The following CHGA variants were observed in gnomAD, a reference collection of about 807,000 sequenced individuals.
The protein encoded by CHGA is chromogranin A, also known as chromogranin-A.
CHGA carries 41 observed loss-of-function variants against 54.4 expected under a neutral mutation model. That is an observed-to-expected ratio of 0.75 (90% confidence interval 0.59 to 0.98). CHGA has a LOEUF of 0.98. Ranked by LOEUF, CHGA falls within the 50% of genes least tolerant of loss-of-function variation. CHGA has a pLI of 0.00. For synonymous variants in CHGA, 249 were observed against 232.8 expected (o/e 1.07, Z -0.63); for missense variants, 576 against 582.3 (o/e 0.99, Z 0.11).
At position 92,932,209 on chromosome 14, in the gene CHGA, G is replaced by C. The variant is rs572002166; in HGVS notation, c.809-161G>C. 2 of 987,434 alleles carry C rather than the reference G, an allele frequency of 2.0e-6. No individual in the cohort carries two copies. The highest frequency in any genetic ancestry group is 3.3e-5 in the African/African-American group (2 of 61,158). The allele number at this position is 987,434 out of a possible 1,614,324, so 61.2% of individuals were successfully genotyped here. On this transcript the variant is annotated intron_variant, in intron 6 of 7. Coordinates refer to ENST00000216492, the MANE Select transcript of CHGA (RefSeq NM_001275.4). This position sits in a 1 kb window ranked among gnomAD's most constrained non-coding sequence, Gnocchi z 5.3. ...CTAACCCACCCCTCTGAGCCGAGAG[G>C]GTCTTGCAAAGCCTGGCATCAAGAA...
Position 92,931,247 on chromosome 14 carries a change from C to T in CHGA, c.356-3C>T. ...GCCTGACTTGGCTGTGCTGTGTCTGCAGAGGCGGTGGAAGAGCCATCATCC... is the reference window on the plus strand; with the variant it reads ...GCCTGACTTGGCTGTGCTGTGTCTGTAGAGGCGGTGGAAGAGCCATCATCC... On this transcript the variant is annotated splice_polypyrimidine_tract_variant and splice_region_variant and intron_variant, in intron 5 of 7. Coordinates refer to ENST00000216492, the MANE Select transcript of CHGA (RefSeq NM_001275.4). The T allele has an allele frequency of 6.2e-7, 1 of 1,605,138 alleles. No individual in the cohort carries two copies. Among genetic ancestry groups the T allele is most frequent in the Non-Finnish European group, 8.5e-7 (1 of 1,173,904 alleles).
intron 7 of CHGA, among the ~76,000 whole-genome samples, chr14:92,933,748 G>C (rs183282303): frequency 2.0e-5 from 3 of 152,274 alleles, no homozygotes; most frequent in African/African-American, 7.2e-5. Context: ...CAGCTGTAGC[G>C]GGAGAGGGCA....
Position 92,932,352 on chromosome 14 carries a change from G to A in CHGA, c.809-18G>A. On this transcript the variant is annotated intron_variant, in intron 6 of 7. Coordinates refer to ENST00000216492, the MANE Select transcript of CHGA (RefSeq NM_001275.4). The surrounding 1 kb of genome is among the most constrained non-coding windows in gnomAD (Gnocchi z 5.3). ...GTCCCCCACCCATTCTCCTGCTCTT[G>A]CCCACCACCTGCTCCAGGTCGGTCG... 6.4e-7 allele frequency: 1 copy of A among 1,563,348 alleles called. No individual in the cohort carries two copies. Among genetic ancestry groups the A allele is most frequent in the Non-Finnish European group, 8.7e-7 (1 of 1,153,960 alleles).
chr14:92,924,209 C>A lies in CHGA; in HGVS notation c.57C>A (p.Leu19=). 2 of 1,612,518 alleles carry A rather than the reference C, an allele frequency of 1.2e-6. No homozygotes were observed. Among genetic ancestry groups the A allele is most frequent in the Non-Finnish European group, 1.7e-6 (2 of 1,179,638 alleles). ...LLLCAGQVTA[L]PVNSPMNKGD... The stretch of plus-strand genomic sequence containing the variant: ...TCTTCTTCTTCCCAGTCACTGCGCT[C>A]CCTGTGAACAGCCCTATGAATAAAG... The change falls in exon 2 of 8, where the codon CTC becomes CTA. Residue 19 remains leucine, a synonymous_variant. Transcript: ENST00000216492.
Position 92,935,071 on chromosome 14 carries a change from TG to T in CHGA, c.*189del, listed in dbSNP as rs1887096977. 1 of 535,648 alleles carries T rather than the reference TG, an allele frequency of 1.9e-6. No homozygotes were observed. Among genetic ancestry groups the T allele is most frequent in the Admixed American group, 4.0e-5 (1 of 25,290 alleles). 33.2% of individuals were successfully genotyped at this position (535,648 alleles called of 1,614,324 possible). ...TCCTACTCCTGACTCCTACCTGCCCTGGAACATCCTTTGCAGGGCAGCCCCA... is the reference window on the plus strand; with the variant it reads ...TCCTACTCCTGACTCCTACCTGCCCTGAACATCCTTTGCAGGGCAGCCCCA... On this transcript the variant is annotated 3_prime_UTR_variant, in exon 8 of 8. Transcript: ENST00000216492.
intron 4 of CHGA, among the ~76,000 whole-genome samples, chr14:92,928,333 C>A (rs887853690): frequency 2.6e-5 from 4 of 152,176 alleles, no homozygotes; most frequent in African/African-American, 9.7e-5. Flanking sequence ...ACAGACCAGG[C>A]CATGTGTGAG....
intron 2 of CHGA, chr14:92,926,363 A>G: frequency 1.9e-6 from 1 of 537,644 alleles, no homozygotes; most frequent in Non-Finnish European, 3.3e-6. Context: ...TTGGAGGGGA[A>G]CCTGCTGGCC....
In CHGA at chr14:92,934,815, G is replaced by A. The variant is rs1887084297; in HGVS notation, c.1305G>A (p.Glu435=). 1.9e-6 allele frequency: 3 copies of A among 1,584,860 alleles called. No homozygotes were observed. The South Asian group carries it at 3.5e-5, about 18-fold the overall frequency. The change falls in exon 8 of 8, where the codon GAG becomes GAA. Residue 435 remains glutamate (E), a synonymous_variant. Coordinates refer to ENST00000216492, the MANE Select transcript of CHGA (RefSeq NM_001275.4). Reference sequence around the variant, plus strand: ...GTCTCTCCTAGGACCAGGAGCTGGAGAGCCTGTCGGCCATTGAAGCAGAGC... The same window carrying A: ...GTCTCTCCTAGGACCAGGAGCTGGAAAGCCTGTCGGCCATTGAAGCAGAGC... The part of the protein sequence containing the change: ...ANRRPEDQEL[E]SLSAIEAELE...
rs1566674077 is a variant in CHGA, at chr14:92,929,701, C to T, written c.257-16C>T. On this transcript the variant is annotated splice_polypyrimidine_tract_variant and intron_variant, in intron 4 of 7. Transcript: ENST00000216492. ...GCTGCACCCAATGGGACTTTTCCCT[C>T]CTTTTCTCATACCAGGCGCCAAGGA... The T allele has an allele frequency of 2.5e-6, 4 of 1,612,882 alleles. No homozygotes were observed. The Admixed American group carries it at 5.0e-5, about 20-fold the overall frequency.
chr14:92,926,867 G>A (rs1273079646), intron 3 of CHGA, among the ~76,000 whole-genome samples, 169 bp downstream of exon 3: 2 of 152,220 alleles, frequency 1.3e-5, no homozygotes, highest in Non-Finnish European at 2.9e-5. Context: ...CAGTTGAAGG[G>A]GTTGTAGCCC....
At chr14:92,934,406 G>A (rs1048779865) in intron 7 of CHGA, among the ~76,000 whole-genome samples, 7 of 152,186 alleles carry the variant, frequency 4.6e-5, no homozygotes, top group African/African-American at 1.4e-4. Context: ...AGACAGACCC[G>A]GAAGTCCCAG....
In CHGA at chr14:92,932,527, C is replaced by A; in HGVS notation, c.966C>A (p.Ser322Arg). The change falls in exon 7 of 8, where the codon AGC (serine) becomes AGA (arginine). Residue 322 changes from serine to arginine, a missense_variant. Physicochemically the swap from Ser to Arg is moderately radical, Grantham distance 110 (BLOSUM62 -1). Transcript: ENST00000216492. This position sits in a 1 kb window ranked among gnomAD's most constrained non-coding sequence, Gnocchi z 5.3. ...VPQGLFRGGK[S>R]GELEQEEERL... Reference sequence around the variant, plus strand: ...AAGGCCTCTTCCGGGGTGGGAAGAGCGGAGAGCTGGAGCAGGAGGAGGAGC... The same window carrying A: ...AAGGCCTCTTCCGGGGTGGGAAGAGAGGAGAGCTGGAGCAGGAGGAGGAGC... The A allele has an allele frequency of 6.4e-7, 1 of 1,553,546 alleles. No individual in the cohort carries two copies. The highest frequency in any genetic ancestry group is 8.7e-7 in the Non-Finnish European group (1 of 1,148,438).
Position 92,932,394 on chromosome 14 carries a change from A to G in CHGA, c.833A>G (p.Asp278Gly). The G allele has an allele frequency of 6.3e-7, 1 of 1,583,606 alleles. No individual in the cohort carries two copies. The highest frequency in any genetic ancestry group is 2.3e-5 in the East Asian group (1 of 43,924). ...GESRSEALAV[D>G]GAGKPGAEEA... is the part of the protein sequence containing the mutation. ...GGTCGGTCGGAGGCTCTGGCTGTGG[A>G]TGGAGCTGGGAAGCCTGGGGCTGAG... Residue 278 changes from aspartate (D) to glycine (G), a missense_variant, in exon 7 of 8, where the codon GAT becomes GGT. Physicochemically the swap from Asp to Gly is moderately conservative, Grantham distance 94. Coordinates refer to ENST00000216492, the MANE Select transcript of CHGA (RefSeq NM_001275.4). The surrounding 1 kb of genome is among the most constrained non-coding windows in gnomAD (Gnocchi z 5.3).
At position 92,932,817 on chromosome 14, in the gene CHGA, A is replaced by T; in HGVS notation, c.1256A>T (p.Lys419Ile). 1.3e-6 allele frequency: 2 copies of T among 1,538,772 alleles called. No homozygotes were observed. The highest frequency in any genetic ancestry group is 1.8e-6 in the Non-Finnish European group (2 of 1,141,162). ...LQVRGYPEEK[K>I]EEEGSANRRP... ...GTCCGAGGCTACCCCGAGGAGAAGAAAGAGGAGGAGGGCAGCGCAAACCGC... is the reference window on the plus strand; with the variant it reads ...GTCCGAGGCTACCCCGAGGAGAAGATAGAGGAGGAGGGCAGCGCAAACCGC... The change falls in exon 7 of 8, where the codon AAA becomes ATA. Residue 419 changes from lysine to isoleucine, a missense_variant. Physicochemically the swap from Lys to Ile is moderately radical, Grantham distance 102 (BLOSUM62 -3). Transcript: ENST00000216492. This position sits in a 1 kb window ranked among gnomAD's most constrained non-coding sequence, Gnocchi z 5.3.
In CHGA at chr14:92,932,560, C is replaced by T; in HGVS notation, c.999C>T (p.Ser333=). 1 of 1,557,846 alleles carries T rather than the reference C, an allele frequency of 6.4e-7. No homozygotes were observed. Among genetic ancestry groups the T allele is most frequent in the South Asian group, 1.2e-5 (1 of 84,608 alleles). ...GELEQEEERL[S]KEWEDSKRWS... ...TGGAGCAGGAGGAGGAGCGGCTCTCCAAGGAGTGGGAGGACTCCAAACGCT... is the reference window on the plus strand; with the variant it reads ...TGGAGCAGGAGGAGGAGCGGCTCTCTAAGGAGTGGGAGGACTCCAAACGCT... Residue 333 remains serine (S), a synonymous_variant, in exon 7 of 8, where the codon TCC becomes TCT. Coordinates refer to ENST00000216492, the MANE Select transcript of CHGA (RefSeq NM_001275.4). The surrounding 1 kb of genome is among the most constrained non-coding windows in gnomAD (Gnocchi z 5.3).
chr14:92,934,208 C>T lies in CHGA; in HGVS notation c.1291-593C>T, dbSNP rs532651796. On this transcript the variant is annotated intron_variant, in intron 7 of 7. Coordinates refer to ENST00000216492, the MANE Select transcript of CHGA (RefSeq NM_001275.4). ...TCTGAGGCCTGAAAGCTTCTGCAGA[C>T]GGGCATAGAACAGGGCTCAGAGGAG... Among the ~76,000 whole-genome samples the T allele has an allele frequency of 2.9e-4, 44 of 152,348 alleles. 1 individual carries two copies. Among genetic ancestry groups the T allele is most frequent in the African/African-American group, 9.4e-4 (39 of 41,588 alleles).
At chr14:92,933,915 G>A (rs376516998) in intron 7 of CHGA, among the ~76,000 whole-genome samples, 2 of 152,180 alleles carry the variant, frequency 1.3e-5, no homozygotes, top group East Asian at 1.9e-4. Flanking sequence ...TGGAGAGGAT[G>A]GGGTGGGGGC....
At position 92,923,318 on chromosome 14, in the gene CHGA, G is replaced by A. The variant is rs1053393220; in HGVS notation, c.-42G>A. On this transcript the variant is annotated 5_prime_UTR_variant, in exon 1 of 8. Transcript: ENST00000216492. ...GCCGCCCCTCGCCCGGTGCCTAGGT[G>A]CCCGGCCCCACACCGCCAGCTGCTC... 1.4e-5 allele frequency: 19 copies of A among 1,316,872 alleles called. No homozygotes were observed. The highest frequency in any genetic ancestry group is 1.7e-5 in the Non-Finnish European group (18 of 1,035,730). 81.6% of individuals were successfully genotyped at this position (1,316,872 alleles called of 1,614,324 possible). A position where few individuals can be genotyped will look rare whatever the true frequency, so the allele number is the denominator to read the frequency against.
Position 92,931,618 on chromosome 14 carries a change from G to T in CHGA, c.724G>T (p.Glu242Ter). The change falls in exon 6 of 8, where the codon GAG becomes TAG. Residue 242 changes from glutamate to a stop codon, truncating the protein, a stop_gained. Transcript: ENST00000216492. LOFTEE classifies it high-confidence loss of function. ...EEEEEAEAGE[E>*]AVPEEEGPTV... ...GGAGGAGGAGGCTGAGGCTGGAGAG[G>T]AGGCTGTCCCCGAGGAAGAAGGCCC... The T allele has an allele frequency of 6.2e-7, 1 of 1,612,620 alleles. No individual in the cohort carries two copies. The highest frequency in any genetic ancestry group is 8.5e-7 in the Non-Finnish European group (1 of 1,179,410).
Sources: allele counts gnomAD v4.1 joint callset (sites outside exome capture counted in the v4.1 genomes callset), GRCh38; gene constraint gnomAD v4.1.1; non-coding constraint Gnocchi (gnomAD v3.1); transcripts MANE v1.5; gene names NCBI Gene and HGNC (gene_info 2026-07-23, HGNC 2026-07-21).